FAAH2: variants seen among roughly 807,000 people sequenced by gnomAD.
The protein encoded by FAAH2 is fatty acid amide hydrolase 2.
A neutral mutation model predicts 36.9 loss-of-function variants in FAAH2; 60 were observed. The ratio of observed to expected loss-of-function variants is 1.63; its 90% CI spans 1.32 to 2.02. The LOEUF is 2.02. Among genes scored for constraint, FAAH2 ranks in the 30% most tolerant of loss-of-function variants. The pLI is 0.00. For missense variants in FAAH2, 689 were observed against 397.5 expected (o/e 1.73, Z -6.23); for synonymous variants, 214 against 143.8 (o/e 1.49, Z -3.49).
chrX:57,251,714 T>C, the FAAH2 span, among the ~76,000 whole-genome samples: 1 of 110,814 alleles, frequency 9.0e-6, no homozygotes, highest in Admixed American at 9.6e-5. Flanking sequence ...ATGAAGAAAA[T>C]CATGAGAGTC....
chrX:57,424,262 G>A lies in FAAH2; in HGVS notation c.997-7656G>A, dbSNP rs749005265. On this transcript the variant is annotated intron_variant, in intron 7 of 10. Transcript: ENST00000374900. ...GGTTTGCCTCTTCAAATTCTGCACA[G>A]CATTACCCCATCTCTGGGGCTGAGC... 3.2e-3 allele frequency among the ~76,000 whole-genome samples: 358 copies of A among 112,240 alleles called. 2 individuals are homozygous for A. Among genetic ancestry groups the A allele is most frequent in the Middle Eastern group, 0.023 (5 of 216 alleles).
chrX:57,325,471 A>G (rs758935065), intron 3 of FAAH2, among the ~76,000 whole-genome samples: 388 of 110,625 alleles, frequency 3.5e-3, no homozygotes, highest in African/African-American at 0.011. Flanking sequence ...TCTGGTCCTG[A>G]ACTTTTTTTG....
the FAAH2 span, among the ~76,000 whole-genome samples, chrX:57,180,259 A>G: frequency 8.9e-6 from 1 of 111,842 alleles, no homozygotes; most frequent in African/African-American, 3.2e-5. Context: ...GAATTAACCA[A>G]AATCAGAGCT....
chrX:57,418,671 A>G (rs960954914), intron 7 of FAAH2, among the ~76,000 whole-genome samples: 3 of 107,361 alleles, frequency 2.8e-5, no homozygotes, highest in Non-Finnish European at 3.8e-5. Flanking sequence ...AGCTGTTCCT[A>G]TTTGACCATC....
chrX:57,440,312 T>C (rs905206094), intron 8 of FAAH2, among the ~76,000 whole-genome samples: 3 of 111,673 alleles, frequency 2.7e-5, no homozygotes, highest in Non-Finnish European at 5.6e-5. Flanking sequence ...GAAGAGGTCC[T>C]TCACATCCCC....
At chrX:57,482,137 C>A (rs1017808590) in intron 10 of FAAH2, among the ~76,000 whole-genome samples, 2 of 111,620 alleles carry the variant, frequency 1.8e-5, no homozygotes, top group African/African-American at 3.3e-5. Context: ...GTGCTGGCTG[C>A]ATGAATTTCA....
At chrX:57,346,676 A>G (rs2053829764) in intron 5 of FAAH2, among the ~76,000 whole-genome samples, 1 of 111,430 alleles carries the variant, frequency 9.0e-6, no homozygotes. Context: ...GCTTTATATT[A>G]TCTGTGGGCT....
At chrX:57,321,117 G>T (rs2053009373) in intron 3 of FAAH2, among the ~76,000 whole-genome samples, 1 of 104,714 alleles carries the variant, frequency 9.5e-6, no homozygotes, top group Non-Finnish European at 1.9e-5. Context: ...TCCAGCCTGG[G>T]TGACAGAGCG....
the FAAH2 span, among the ~76,000 whole-genome samples, chrX:57,244,910 C>T: frequency 1.8e-5 from 2 of 111,221 alleles, no homozygotes; most frequent in East Asian, 5.6e-4. Context: ...GGGTTAAATG[C>T]CCCAGTTAAA....
the FAAH2 span, among the ~76,000 whole-genome samples, chrX:57,267,106 T>C: frequency 1.8e-5 from 2 of 112,372 alleles, no homozygotes; most frequent in African/African-American, 6.5e-5. Context: ...GCCTGTCCCA[T>C]GGAAAGCTCC....
At chrX:57,388,817 T>C (rs939011571) in intron 7 of FAAH2, among the ~76,000 whole-genome samples, 1 of 111,108 alleles carries the variant, frequency 9.0e-6, no homozygotes, top group Non-Finnish European at 1.9e-5. Flanking sequence ...GTCTTTATAC[T>C]TTTGCCTTTC....
intron 7 of FAAH2, chrX:57,394,452 CA>C (rs2055243474): frequency 5.8e-6 from 7 of 1,199,326 alleles, no homozygotes; most frequent in Non-Finnish European, 7.9e-6. Flanking sequence ...GCCAGCTTAC[CA>C]ATGGGCTTCG....
intron 8 of FAAH2, among the ~76,000 whole-genome samples, chrX:57,443,621 G>T (rs1448417008): frequency 8.9e-6 from 1 of 112,118 alleles, no homozygotes; most frequent in Non-Finnish European, 1.9e-5. Flanking sequence ...ACTCATCAAA[G>T]TCATTCTCTA....
intron 5 of FAAH2, among the ~76,000 whole-genome samples, chrX:57,369,679 C>T (rs2054504298): frequency 9.0e-6 from 1 of 111,518 alleles, no homozygotes; most frequent in Admixed American, 9.5e-5. Flanking sequence ...AGGAAACTCA[C>T]CATCAATTAT....
chrX:57,443,929 A>G (rs2056618861), intron 8 of FAAH2, among the ~76,000 whole-genome samples: 1 of 111,899 alleles, frequency 8.9e-6, no homozygotes, highest in South Asian at 3.8e-4. Context: ...AGAACAGCAA[A>G]TATTGCAGAA....
At chrX:57,209,945 G>GT in the FAAH2 span, among the ~76,000 whole-genome samples, 1,456 of 104,163 alleles carry the variant, frequency 0.014, 9 homozygotes, top group East Asian at 0.024. Context: ...TAATTATGTG[G>GT]TTTTTTTTTT....
At chrX:57,378,875 T>A (rs2054760099) in intron 6 of FAAH2, 89 bp downstream of exon 6, 2 of 1,046,099 alleles carry the variant, frequency 1.9e-6, no homozygotes, top group African/African-American at 3.8e-5. Flanking sequence ...AGACTTTCAG[T>A]CCTCAAGCAA....
chrX:57,476,174 T>C (rs746454113), intron 10 of FAAH2, among the ~76,000 whole-genome samples: 2 of 111,488 alleles, frequency 1.8e-5, no homozygotes, highest in Non-Finnish European at 3.8e-5. Flanking sequence ...TTTTTCTACT[T>C]GAATACCCTT....
the FAAH2 span, among the ~76,000 whole-genome samples, chrX:57,163,378 G>C: frequency 1.2e-4 from 14 of 112,072 alleles, no homozygotes; most frequent in Non-Finnish European, 2.6e-4. Flanking sequence ...TTGAGCTGTG[G>C]TGGGCTCCAC....
Sources: allele counts gnomAD v4.1 joint callset (sites outside exome capture counted in the v4.1 genomes callset), GRCh38; gene constraint gnomAD v4.1.1; transcripts MANE v1.5; gene names NCBI Gene and HGNC (gene_info 2026-07-23, HGNC 2026-07-21).